Variants in ULK2 observed in about 807,000 individuals in gnomAD.
ULK2 encodes the protein serine/threonine-protein kinase ULK2.
Under a neutral mutation model 127.5 loss-of-function variants are expected in ULK2, and 76 were observed. That is an observed-to-expected ratio of 0.60 (90% CI 0.50 to 0.72). ULK2 has a LOEUF of 0.72. Ranked by LOEUF, ULK2 falls within the 30% of genes least tolerant of loss-of-function variation. ULK2 has a pLI of 0.00. For missense variants in ULK2, 1,144 were observed against 1,295.9 expected, an observed-to-expected ratio of 0.88 and a Z score of 1.80; for synonymous variants, 452 against 461.9, an observed-to-expected ratio of 0.98 and a Z score of 0.28.
rs116332078 is a variant in ULK2 at position 19,861,602 on chromosome 17, T to C, written c.225+3201A>G. On this transcript the variant is annotated intron_variant, in intron 3 of 26. Transcript: ENST00000395544. ...TTTCAAAACAAAACCTACTCTGCAA[T>C]TGCCAGGGTTTTCTGTATCTCTCCA... Among the ~76,000 whole-genome samples, 1,180 of 152,186 alleles carry C rather than the reference T, an allele frequency of 7.8e-3. 22 individuals carry two copies. Among genetic ancestry groups the C allele is most frequent in the East Asian group, 0.061 (315 of 5,180 alleles).
chr17:19,839,940 CATACACAAAGGA>C (rs1173535197), intron 9 of ULK2, among the ~76,000 whole-genome samples: 2 of 150,538 alleles, frequency 1.3e-5, no homozygotes, highest in East Asian at 4.0e-4. Context: ...AAAATGCACA[CATACACAAAGGA>C]GTACACACAC....
chr17:19,792,684 T>G (rs2087180696), intron 20 of ULK2, among the ~76,000 whole-genome samples: 1 of 152,030 alleles, frequency 6.6e-6, no homozygotes, highest in Non-Finnish European at 1.5e-5. Flanking sequence ...ATGATGCCAC[T>G]GCACTCTAGC....
chr17:19,864,915 AAAATT>A (rs1447195183), intron 2 of ULK2, 71 bp from the exon 3 acceptor site: 4 of 694,850 alleles, frequency 5.8e-6, no homozygotes, highest in Non-Finnish European at 6.4e-6. Context: ...ATATGTAAAT[AAAATT>A]AAAGTATACA....
Position 19,797,398 on chromosome 17 carries a change from T to C in ULK2, c.1807A>G (p.Lys603Glu), listed in dbSNP as rs999242256. 4 of 1,611,916 alleles carry C rather than the reference T, an allele frequency of 2.5e-6. No homozygotes were observed. Among genetic ancestry groups the C allele is most frequent in the Admixed American group, 3.3e-5 (2 of 59,846 alleles). Residue 603 changes from lysine to glutamate, a missense_variant and splice_region_variant, in exon 18 of 27, where the codon AAG becomes GAG. Coordinates refer to ENST00000395544, the MANE Select transcript of ULK2 (RefSeq NM_014683.4). ...PLPTIIGSPT[K>E]TTAPFKIPKT... ...ACAAAAGGGTTTAATAAACAAACCT[T>C]AGTAGGAGAGCCAATGATTGTTGGC...
At position 19,796,078 on chromosome 17, in the gene ULK2, T is replaced by C. The variant is rs368587294; in HGVS notation, c.1997+17A>G. 1.0e-5 allele frequency: 16 copies of C among 1,591,242 alleles called. No individual in the cohort carries two copies. The African/African-American group carries it at 1.2e-4, about 12-fold the overall frequency. Reference sequence around the variant, plus strand: ...ACAGTTTTCATGTTTAATGCTAGAATGGAAACAGTCTTTTACCTGCCAAAC... The same window carrying C: ...ACAGTTTTCATGTTTAATGCTAGAACGGAAACAGTCTTTTACCTGCCAAAC... On this transcript the variant is annotated intron_variant, in intron 19 of 26. Coordinates refer to ENST00000395544, the MANE Select transcript of ULK2 (RefSeq NM_014683.4).
At chr17:19,848,549 C>T (rs907920805) in intron 5 of ULK2, among the ~76,000 whole-genome samples, 3 of 152,050 alleles carry the variant, frequency 2.0e-5, no homozygotes, top group Non-Finnish European at 2.9e-5. Context: ...GAGGCTGAGG[C>T]GGGCCGATCA....
chr17:19,867,481 C>G lies in ULK2; in HGVS notation c.-64G>C. 7.5e-7 allele frequency: 1 copy of G among 1,328,240 alleles called. No individual in the cohort carries two copies. The allele number at this position is 1,328,240 out of a possible 1,614,324, so 82.3% of individuals were successfully genotyped here. On this transcript the variant is annotated 5_prime_UTR_variant, in exon 1 of 27. Transcript: ENST00000395544. ...CGCAGTGCGGCGCAGGTATCAGCACCGCGGCTCCGCGGGCCCGGAGCGCGC... is the reference window on the plus strand; with the variant it reads ...CGCAGTGCGGCGCAGGTATCAGCACGGCGGCTCCGCGGGCCCGGAGCGCGC...
At chr17:19,822,510 C>T (rs964064361) in intron 12 of ULK2, among the ~76,000 whole-genome samples, 7 of 150,080 alleles carry the variant, frequency 4.7e-5, no homozygotes, top group Admixed American at 2.7e-4. Flanking sequence ...TACAGGTGCA[C>T]GCCGCCACGC....
chr17:19,850,424 T>C (rs2041987971), intron 3 of ULK2, among the ~76,000 whole-genome samples: 1 of 152,166 alleles, frequency 6.6e-6, no homozygotes, highest in African/African-American at 2.4e-5. Context: ...ATTAAGTAAC[T>C]CAAAGACTGA....
chr17:19,819,621 A>G (rs1004561631), intron 12 of ULK2, among the ~76,000 whole-genome samples: 1 of 152,166 alleles, frequency 6.6e-6, no homozygotes, highest in African/African-American at 2.4e-5. Context: ...TTGCCTATAC[A>G]ACACATTCAT....
chr17:19,801,697 G>C (rs1296882278), intron 16 of ULK2, 80 bp downstream of exon 16: 6 of 1,588,582 alleles, frequency 3.8e-6, no homozygotes, highest in African/African-American at 1.4e-5. Context: ...ATGAGCCGAA[G>C]TTCCTAAAGA....
intron 5 of ULK2, 21 bp downstream of exon 5, chr17:19,849,348 C>G: frequency 6.2e-7 from 1 of 1,604,508 alleles, no homozygotes; most frequent in Non-Finnish European, 8.5e-7. Context: ...TTACTGAACA[C>G]TGACACACAT....
rs535118595 is a variant in ULK2 at position 19,786,980 on chromosome 17, G to C, written c.2102-894C>G. On this transcript the variant is annotated intron_variant, in intron 20 of 26. Transcript: ENST00000395544. ...TGCACTGTCAGGTCTATAGCATATA[G>C]AAATGTAATGTTCATTTATTTACTT... Among the ~76,000 whole-genome samples, 3 of 148,794 alleles carry C rather than the reference G, an allele frequency of 2.0e-5. No individual in the cohort carries two copies. The South Asian group carries it at 6.4e-4, about 32-fold the overall frequency.
intron 11 of ULK2, among the ~76,000 whole-genome samples, chr17:19,825,681 A>G (rs1257294876): frequency 1.3e-5 from 2 of 150,432 alleles, no homozygotes; most frequent in Admixed American, 1.3e-4. Flanking sequence ...GTGACAGAGC[A>G]AGACTCCGTT....
chr17:19,849,286 G>T, intron 5 of ULK2, 83 bp downstream of exon 5: 1 of 1,182,516 alleles, frequency 8.5e-7, no homozygotes, highest in Non-Finnish European at 1.2e-6. Flanking sequence ...CAGAAAATGG[G>T]TAGTGTATTT....
chr17:19,846,761 C>G lies in ULK2; in HGVS notation c.445G>C (p.Val149Leu), dbSNP rs757141462. ...LSYANRRKSS[V>L]SGIRIKIADF... ...CCTATTTTGATGCGAATACCACTGA[C>G]ACTTGATTTTCTGCGATTGGCATAG... The change falls in exon 6 of 27, where the codon GTC becomes CTC. Residue 149 changes from valine to leucine, a missense_variant. Coordinates refer to ENST00000395544, the MANE Select transcript of ULK2 (RefSeq NM_014683.4). The G allele has an allele frequency of 6.2e-7, 1 of 1,610,752 alleles. No individual in the cohort carries two copies. The highest frequency in any genetic ancestry group is 8.5e-7 in the Non-Finnish European group (1 of 1,178,740).
rs993519338 is a variant in ULK2 at position 19,795,860 on chromosome 17, A to G, written c.1998-135T>C. On this transcript the variant is annotated intron_variant, in intron 19 of 26. Coordinates refer to ENST00000395544, the MANE Select transcript of ULK2 (RefSeq NM_014683.4). Reference sequence around the variant, plus strand: ...CAGGGTAGAGATAAACTTCAATAATACAAATAAAGGACAGAAATAGAATAT... The same window carrying G: ...CAGGGTAGAGATAAACTTCAATAATGCAAATAAAGGACAGAAATAGAATAT... 7.4e-6 allele frequency: 7 copies of G among 952,308 alleles called. No individual in the cohort carries two copies. In the African/African-American group the frequency reaches 1.0e-4, roughly 14 times the overall value. The allele number at this position is 952,308 out of a possible 1,614,324, so 59.0% of individuals were successfully genotyped here.
intron 3 of ULK2, among the ~76,000 whole-genome samples, chr17:19,856,523 AG>A (rs1490614865): frequency 4.0e-5 from 6 of 151,878 alleles, no homozygotes; most frequent in Non-Finnish European, 8.8e-5. Flanking sequence ...CAGAGCTTGC[AG>A]TGAGCCGAGA....
intron 8 of ULK2, 131 bp from the exon 9 acceptor site, chr17:19,841,678 G>A: frequency 3.3e-6 from 2 of 598,274 alleles, no homozygotes; most frequent in Non-Finnish European, 2.8e-6. Flanking sequence ...ACTGCTGACA[G>A]GAAAGGAGGG....
Sources: allele counts gnomAD v4.1 joint callset (sites outside exome capture counted in the v4.1 genomes callset), GRCh38; gene constraint gnomAD v4.1.1; transcripts MANE v1.5; gene names NCBI Gene and HGNC (gene_info 2026-07-23, HGNC 2026-07-21).